The following OTOGL variants were observed in gnomAD, a reference collection of about 807,000 sequenced individuals.
The protein encoded by OTOGL is otogelin-like protein.
In OTOGL, 285 loss-of-function variants were observed where a neutral mutation model predicts 318.5. The observed-to-expected ratio is 0.89, with a 90% CI of 0.81 to 0.99. OTOGL has a LOEUF of 0.99. OTOGL is among the 50% of genes least tolerant of loss of function. The probability of loss-of-function intolerance (pLI) is 0.00; values close to 1 mark genes in which losing one functional copy is unlikely to be tolerated. For synonymous variants in OTOGL, 987 were observed against 936.5 expected, an observed-to-expected ratio of 1.05 and a Z score of -0.99; for missense variants, 2,899 against 2,845.6, an observed-to-expected ratio of 1.02 and a Z score of -0.43.
chr12:80,107,366 C>A (rs1478896456), intron 1 of OTOGL, among the ~76,000 whole-genome samples: 2 of 151,964 alleles, frequency 1.3e-5, no homozygotes, highest in African/African-American at 4.8e-5. Context: ...AAATCAAAAC[C>A]ACAATGGGAT....
chr12:80,308,088 GT>G (rs1886336278), intron 29 of OTOGL, among the ~76,000 whole-genome samples: 2 of 138,910 alleles, frequency 1.4e-5, no homozygotes, highest in Non-Finnish European at 3.2e-5. Context: ...GGCTGGCCGG[GT>G]GGGGGGCTGA....
Position 80,149,854 on chromosome 12 carries a change from G to A in OTOGL, c.-20+50249G>A, listed in dbSNP as rs991298035. Among the ~76,000 whole-genome samples, 8 of 152,190 alleles carry A rather than the reference G, an allele frequency of 5.3e-5. No homozygotes were observed. In the South Asian group the frequency reaches 1.2e-3, roughly 24 times the overall value. Reference sequence around the variant, plus strand: ...TTCCAGGTGCCGGCTGACTAGGAAAGGGAGCTCCCTGACCCCTTGCACTTC... The same window carrying A: ...TTCCAGGTGCCGGCTGACTAGGAAAAGGAGCTCCCTGACCCCTTGCACTTC... On this transcript the variant is annotated intron_variant, in intron 1 of 58. Coordinates refer to ENST00000547103, the MANE Select transcript of OTOGL (RefSeq NM_001378609.3).
chr12:80,155,513 A>C (rs1383556217), intron 1 of OTOGL, among the ~76,000 whole-genome samples: 1 of 152,198 alleles, frequency 6.6e-6, no homozygotes, highest in Non-Finnish European at 1.5e-5. Flanking sequence ...ATATTGCAAG[A>C]GATAGGGTAC....
At position 80,236,817 on chromosome 12, in the gene OTOGL, T is replaced by TTTC. The variant is rs1447969227; in HGVS notation, c.818-2032_818-2031insCTT. Among the ~76,000 whole-genome samples the TTTC allele has an allele frequency of 5.0e-3, 677 of 136,564 alleles. 4 individuals carry two copies. Among genetic ancestry groups the TTTC allele is most frequent in the African/African-American group, 0.017 (630 of 36,632 alleles). The allele number at this position is 136,564 out of a possible 152,430, so 89.6% of individuals were successfully genotyped here. On this transcript the variant is annotated intron_variant, in intron 9 of 58. Coordinates refer to ENST00000547103, the MANE Select transcript of OTOGL (RefSeq NM_001378609.3). ...TTTTTCTTTTTTTCTTTTTCTTTTCTTTTTTTTTTTTGTTTGAGACAGGGT... is the reference window on the plus strand; with the variant it reads ...TTTTTCTTTTTTTCTTTTTCTTTTCTTTCTTTTTTTTTTTGTTTGAGACAGGGT...
chr12:80,164,234 T>C (rs1381519802), intron 1 of OTOGL, among the ~76,000 whole-genome samples: 2 of 152,172 alleles, frequency 1.3e-5, no homozygotes, highest in Non-Finnish European at 2.9e-5. Flanking sequence ...TTTGAATTTG[T>C]TAGATTCCTT....
At chr12:80,164,727 C>G (rs910529528) in intron 1 of OTOGL, among the ~76,000 whole-genome samples, 1 of 152,086 alleles carries the variant, frequency 6.6e-6, no homozygotes, top group Non-Finnish European at 1.5e-5. Flanking sequence ...CTGGGTGACA[C>G]CACTTCATGA....
At chr12:80,250,015 G>C (rs1330163410) in intron 11 of OTOGL, among the ~76,000 whole-genome samples, 1 of 152,038 alleles carries the variant, frequency 6.6e-6, no homozygotes, top group Non-Finnish European at 1.5e-5. Context: ...GCCTCGCCCT[G>C]CTTCGGCTCG....
At chr12:80,130,439 G>A (rs10862066) in intron 1 of OTOGL, among the ~76,000 whole-genome samples, 81,037 of 151,686 alleles carry the variant, frequency 0.53, 21,776 homozygotes, top group Middle Eastern at 0.59. Flanking sequence ...AGGTTGGAAT[G>A]GAGCCAATGA....
In OTOGL at chr12:80,379,335, G is replaced by C. The variant is rs1326488835; in HGVS notation, c.*1287G>C. 1 of 151,898 alleles carries C rather than the reference G, an allele frequency of 6.6e-6. No homozygotes were observed. Among genetic ancestry groups the C allele is most frequent in the Non-Finnish European group, 1.5e-5 (1 of 67,872 alleles). 9.4% of individuals were successfully genotyped at this position (151,898 alleles called of 1,614,324 possible). A position where few individuals can be genotyped will look rare whatever the true frequency, so the allele number is the denominator to read the frequency against. On this transcript the variant is annotated 3_prime_UTR_variant, in exon 59 of 59. Transcript: ENST00000547103. ...TACTGGGCCTCAAGGGTGGGCTTAGGCTTAAACTAGATTATCTGCTTTCAT... is the reference window on the plus strand; with the variant it reads ...TACTGGGCCTCAAGGGTGGGCTTAGCCTTAAACTAGATTATCTGCTTTCAT...
intron 56 of OTOGL, among the ~76,000 whole-genome samples, chr12:80,371,719 GTTA>G (rs1362159416): frequency 1.3e-5 from 2 of 152,038 alleles, no homozygotes; most frequent in African/African-American, 2.4e-5. Context: ...TAGAATAGCT[GTTA>G]TTATTTTGTT....
chr12:80,238,108 A>G (rs1368594274), intron 9 of OTOGL, among the ~76,000 whole-genome samples: 1 of 152,186 alleles, frequency 6.6e-6, no homozygotes, highest in Non-Finnish European at 1.5e-5. Context: ...TTGATTTAGA[A>G]CAGAGAGCAC....
At chr12:80,149,643 A>G (rs549347977) in intron 1 of OTOGL, among the ~76,000 whole-genome samples, 48 of 152,238 alleles carry the variant, frequency 3.2e-4, no homozygotes, top group African/African-American at 1.1e-3. Flanking sequence ...AAGCCTGGGC[A>G]ATGGCGGGCG....
At chr12:80,256,687 G>C (rs1322931591) in intron 17 of OTOGL, among the ~76,000 whole-genome samples, 1 of 152,080 alleles carries the variant, frequency 6.6e-6, no homozygotes, top group Non-Finnish European at 1.5e-5. Flanking sequence ...AGGGAAGAGA[G>C]ACAAGCAAGC....
intron 5 of OTOGL, 49 bp from the exon 6 acceptor site, chr12:80,219,765 A>C (rs1262359125): frequency 6.5e-6 from 8 of 1,233,728 alleles, no homozygotes; most frequent in Non-Finnish European, 6.9e-6. Flanking sequence ...TATGCTTAAA[A>C]GAACAAATGG....
chr12:80,288,713 G>A (rs754069491), intron 26 of OTOGL, among the ~76,000 whole-genome samples: 8 of 151,654 alleles, frequency 5.3e-5, no homozygotes, highest in Non-Finnish European at 1.2e-4. Context: ...TATGCTTCAC[G>A]AAGTTCTCAT....
At chr12:80,229,171 A>T in intron 7 of OTOGL, 86 bp from the exon 8 acceptor site, 3 of 1,436,556 alleles carry the variant, frequency 2.1e-6, no homozygotes, top group Non-Finnish European at 2.9e-6. Flanking sequence ...TAATGAAACT[A>T]TATGATTGTA....
At chr12:80,115,369 C>T in intron 1 of OTOGL, among the ~76,000 whole-genome samples, 1 of 152,134 alleles carries the variant, frequency 6.6e-6, no homozygotes, top group South Asian at 2.1e-4. Context: ...TGCAGGTCTG[C>T]TGGAGTTTGC....
chr12:80,313,013 AAATT>A (rs1438219659), intron 30 of OTOGL, among the ~76,000 whole-genome samples: 11 of 152,178 alleles, frequency 7.2e-5, no homozygotes, highest in Non-Finnish European at 1.0e-4. Flanking sequence ...GCAAATAAAT[AAATT>A]AAGTAAATAG....
intron 22 of OTOGL, among the ~76,000 whole-genome samples, chr12:80,268,311 A>G (rs1423051804): frequency 6.6e-6 from 1 of 151,520 alleles, no homozygotes; most frequent in Non-Finnish European, 1.5e-5. Context: ...ATACTTACTC[A>G]TCACCATAAC....
Sources: gnomAD v4.1 joint callset for allele counts (sites outside exome capture counted in the v4.1 genomes callset) on GRCh38, gnomAD v4.1.1 for gene constraint, MANE v1.5 for transcripts, NCBI Gene and HGNC (gene_info 2026-07-23, HGNC 2026-07-21) for gene names.